Variants in GSAP observed in about 807,000 individuals in gnomAD.
The protein encoded by GSAP is gamma-secretase activating protein, also known as gamma-secretase-activating protein.
GSAP carries 118 observed loss-of-function variants against 131.7 expected under a neutral mutation model. That is an observed-to-expected ratio of 0.90 (90% CI 0.77 to 1.04). GSAP has a LOEUF of 1.04. GSAP is among the 50% of genes least tolerant of loss of function. The pLI is 0.00. For synonymous variants in GSAP, 381 were observed against 363.4 expected, an observed-to-expected ratio of 1.05 and a Z score of -0.55; for missense variants, 1,019 against 1,013.2, an observed-to-expected ratio of 1.01 and a Z score of -0.08.
chr7:77,323,848 C>A (rs1787971977), intron 23 of GSAP, 106 bp from the exon 24 acceptor site: 1 of 542,048 alleles, frequency 1.8e-6, no homozygotes, highest in Non-Finnish European at 3.3e-6. Flanking sequence ...ATAAAAAATA[C>A]TGGATCTGAA....
intron 6 of GSAP, among the ~76,000 whole-genome samples, chr7:77,385,398 A>C (rs1259235333): frequency 6.6e-6 from 1 of 152,210 alleles, no homozygotes; most frequent in Non-Finnish European, 1.5e-5. Flanking sequence ...ACTTTAATAT[A>C]TACAATTTTT....
In GSAP at chr7:77,410,879, T is replaced by C. The variant is rs80259311; in HGVS notation, c.110-4774A>G. Among the ~76,000 whole-genome samples the C allele has an allele frequency of 9.7e-3, 1,471 of 152,236 alleles. 31 individuals are homozygous for C. The highest frequency in any genetic ancestry group is 0.034 in the African/African-American group (1,417 of 41,538). On this transcript the variant is annotated intron_variant, in intron 1 of 30. Transcript: ENST00000257626. ...ATCAAGAGGTGACAAAATATGATTA[T>C]ACCTATAACATTCCTATTCTGTAAA...
chr7:77,334,579 T>TAAAA (rs1200040086), intron 19 of GSAP, among the ~76,000 whole-genome samples: 7 of 82,384 alleles, frequency 8.5e-5, no homozygotes, highest in Non-Finnish European at 1.2e-4. Flanking sequence ...AACTTAAAAT[T>TAAAA]TAAAAAAAAA....
intron 10 of GSAP, among the ~76,000 whole-genome samples, chr7:77,375,793 G>C (rs527908219): frequency 5.3e-5 from 8 of 150,238 alleles, no homozygotes; most frequent in African/African-American, 1.5e-4. Flanking sequence ...GCAGTGAAGA[G>C]AGATCATGCC....
intron 5 of GSAP, among the ~76,000 whole-genome samples, chr7:77,395,059 T>C (rs889981000): frequency 1.3e-5 from 2 of 152,236 alleles, no homozygotes; most frequent in Non-Finnish European, 2.9e-5. Flanking sequence ...GAATAGACTT[T>C]AATGTTGTAA....
At position 77,360,828 on chromosome 7, in the gene GSAP, G is replaced by C. The variant is rs149772959; in HGVS notation, c.1023C>G (p.Asn341Lys). 1 of 1,560,410 alleles carries C rather than the reference G, an allele frequency of 6.4e-7. No individual in the cohort carries two copies. Among genetic ancestry groups the C allele is most frequent in the African/African-American group, 1.4e-5 (1 of 73,392 alleles). ...SHMTKGITFL[N>K]LDYYVAVYLP... is the part of the protein sequence containing the mutation. ...TGTGATCTCTCCATCACTCACCAAG[G>C]TTGAGAAAAGTAATGCCCTTTGTCA... The change falls in exon 14 of 31, where the codon AAC becomes AAG. Residue 341 changes from asparagine to lysine, a missense_variant. Asn to Lys is a moderately conservative substitution (Grantham distance 94). Transcript: ENST00000257626.
At position 77,377,392 on chromosome 7, in the gene GSAP, T is replaced by C. The variant is rs772465860; in HGVS notation, c.577-2A>G. 4.9e-6 allele frequency: 5 copies of C among 1,026,206 alleles called. No individual in the cohort carries two copies. The highest frequency in any genetic ancestry group is 7.8e-5 in the East Asian group (2 of 25,500). 63.6% of individuals were successfully genotyped at this position (1,026,206 alleles called of 1,614,324 possible). A position where few individuals can be genotyped will look rare whatever the true frequency, so the allele number is the denominator to read the frequency against. On this transcript the variant is annotated splice_acceptor_variant, in intron 8 of 30. Coordinates refer to ENST00000257626, the MANE Select transcript of GSAP (RefSeq NM_017439.4). LOFTEE classifies it high-confidence loss of function. ...GAGATGGCCAGAATTTTTAATCACC[T>C]AAAAATGCAAAAAAAAAAAAAAAAA...
chr7:77,399,957 C>T (rs985997095), intron 3 of GSAP, among the ~76,000 whole-genome samples: 1 of 151,884 alleles, frequency 6.6e-6, no homozygotes, highest in African/African-American at 2.4e-5. Context: ...CTGATGGGAG[C>T]GGACAAAAAC....
At chr7:77,350,688 A>C (rs1414704088) in intron 18 of GSAP, among the ~76,000 whole-genome samples, 1 of 152,034 alleles carries the variant, frequency 6.6e-6, no homozygotes, top group African/African-American at 2.4e-5. Context: ...GGTTGCAGTG[A>C]GCTGAGACTG....
rs1309912166 is a variant in GSAP, at chr7:77,413,160, G to A, written c.109+3053C>T. 2.0e-5 allele frequency among the ~76,000 whole-genome samples: 3 copies of A among 152,318 alleles called. 1 individual carries two copies. The highest frequency in any genetic ancestry group is 7.2e-5 in the African/African-American group (3 of 41,566). On this transcript the variant is annotated intron_variant, in intron 1 of 30. Transcript: ENST00000257626. Reference sequence around the variant, plus strand: ...AGGAAAGTGGGATTAACACCCTTAAGAGGAAGGAGAAGGAAGCAAGTCCTG... The same window carrying A: ...AGGAAAGTGGGATTAACACCCTTAAAAGGAAGGAGAAGGAAGCAAGTCCTG...
chr7:77,407,005 G>T (rs1474222297), intron 1 of GSAP, among the ~76,000 whole-genome samples: 1 of 152,202 alleles, frequency 6.6e-6, no homozygotes, highest in East Asian at 1.9e-4. Flanking sequence ...GCAGCTATCT[G>T]TAAGAGTATG....
chr7:77,364,274 G>A (rs565116296), intron 12 of GSAP, among the ~76,000 whole-genome samples: 1 of 152,034 alleles, frequency 6.6e-6, no homozygotes, highest in Non-Finnish European at 1.5e-5. Flanking sequence ...AATTCTTTTA[G>A]GATTCTATCC....
chr7:77,381,064 C>A (rs1056673094), intron 8 of GSAP, among the ~76,000 whole-genome samples: 2 of 152,154 alleles, frequency 1.3e-5, no homozygotes, highest in African/African-American at 4.8e-5. Flanking sequence ...TGGAAAGACA[C>A]ACAGGCTGTT....
At chr7:77,394,896 G>A (rs1361565204) in intron 5 of GSAP, among the ~76,000 whole-genome samples, 1 of 152,234 alleles carries the variant, frequency 6.6e-6, no homozygotes, top group East Asian at 1.9e-4. Context: ...GCAAGGCACT[G>A]TCTCACTACA....
intron 5 of GSAP, among the ~76,000 whole-genome samples, chr7:77,394,518 T>C (rs763060861): frequency 6.6e-6 from 1 of 152,122 alleles, no homozygotes; most frequent in Admixed American, 6.5e-5. Context: ...CAGGCACAGT[T>C]ATGGGGAAAT....
intron 8 of GSAP, 91 bp downstream of exon 8, chr7:77,381,214 A>G (rs765404720): frequency 6.7e-6 from 4 of 601,060 alleles, no homozygotes; most frequent in Non-Finnish European, 1.2e-5. Context: ...AAAACATTAT[A>G]TATCAATAAC....
upstream of GSAP, chr7:77,416,356 C>G (rs1804473721): frequency 7.7e-7 from 1 of 1,294,230 alleles, no homozygotes; most frequent in African/African-American, 1.6e-5. Flanking sequence ...CTCTGGGGCC[C>G]CGCACCGCGG....
intron 18 of GSAP, among the ~76,000 whole-genome samples, chr7:77,350,106 A>C (rs1469638540): frequency 6.6e-6 from 1 of 151,932 alleles, no homozygotes; most frequent in South Asian, 2.1e-4. Context: ...AAAAATGATG[A>C]GTTCATGTCC....
At chr7:77,412,215 T>C (rs534504351) in intron 1 of GSAP, among the ~76,000 whole-genome samples, 3 of 152,062 alleles carry the variant, frequency 2.0e-5, no homozygotes, top group African/African-American at 7.2e-5. Context: ...CAAAATGAAC[T>C]CAGAAAAGGA....
Sources: gnomAD v4.1 joint callset for allele counts (sites outside exome capture counted in the v4.1 genomes callset) on GRCh38, gnomAD v4.1.1 for gene constraint, MANE v1.5 for transcripts, NCBI Gene and HGNC (gene_info 2026-07-23, HGNC 2026-07-21) for gene names.